The following ANXA8 variants were observed in gnomAD, a reference collection of about 807,000 sequenced individuals.
The protein encoded by ANXA8 is annexin A8.
ANXA8 carries 9 observed loss-of-function variants against 26.8 expected under a neutral mutation model. That is an observed-to-expected ratio of 0.34 (90% CI 0.20 to 0.59). The LOEUF (loss-of-function observed/expected upper bound fraction) is 0.59, where lower values mean the gene tolerates loss of function less well. ANXA8 is among the 20% of genes least tolerant of loss of function. The pLI is 0.84. For synonymous variants in ANXA8, 39 were observed against 94.8 expected, an observed-to-expected ratio of 0.41 and a Z score of 3.42; for missense variants, 83 against 238.5, an observed-to-expected ratio of 0.35 and a Z score of 4.29.
chr10:47,977,700 C>A, the ANXA8 span, among the ~76,000 whole-genome samples: 6 of 151,386 alleles, frequency 4.0e-5, no homozygotes, highest in African/African-American at 1.4e-4. Context: ...ACCAGAGGGG[C>A]TTAACAGCCA....
upstream of ANXA8, among the ~76,000 whole-genome samples, chr10:47,486,862 A>G (rs1296034603): frequency 1.4e-5 from 2 of 145,666 alleles, no homozygotes; most frequent in East Asian, 4.6e-4. Context: ...AGTCCAAGCT[A>G]CTTGGGAGGC....
the ANXA8 span, chr10:47,991,540 C>G: frequency 6.3e-7 from 1 of 1,577,446 alleles, no homozygotes; most frequent in African/African-American, 1.4e-5. Flanking sequence ...CCTTCCCACC[C>G]TCCATGCTTG....
chr10:47,761,219 C>T, the ANXA8 span, among the ~76,000 whole-genome samples: 1 of 149,300 alleles, frequency 6.7e-6, no homozygotes, highest in Admixed American at 6.7e-5. Context: ...ATTGTGTTCT[C>T]TGGACCTGTT....
At chr10:47,503,768 A>G in the ANXA8 span, among the ~76,000 whole-genome samples, 2 of 135,162 alleles carry the variant, frequency 1.5e-5, no homozygotes, top group African/African-American at 5.7e-5. Context: ...TACAAAAAAA[A>G]AAAAAAGAAA....
At chr10:47,691,328 C>T in the ANXA8 span, 1 of 803,766 alleles carries the variant, frequency 1.2e-6, no homozygotes, top group South Asian at 1.8e-5. Context: ...TTTCTTTAGT[C>T]ATTTGCCTCT....
At chr10:47,617,831 C>A in the ANXA8 span, among the ~76,000 whole-genome samples, 1 of 143,312 alleles carries the variant, frequency 7.0e-6, no homozygotes, top group East Asian at 1.9e-4. Flanking sequence ...ACTATTTGAA[C>A]TTTTATCGGC....
At chr10:47,647,161 A>G in the ANXA8 span, among the ~76,000 whole-genome samples, 2 of 152,244 alleles carry the variant, frequency 1.3e-5, no homozygotes, top group Admixed American at 6.5e-5. Context: ...TGCTTCTTGC[A>G]TTAACTGCAA....
chr10:47,584,919 C>T, the ANXA8 span, among the ~76,000 whole-genome samples: 1 of 144,450 alleles, frequency 6.9e-6, no homozygotes, highest in Non-Finnish European at 1.5e-5. Flanking sequence ...GAAACCCCGT[C>T]TCTACTAAAA....
chr10:47,925,657 T>C, the ANXA8 span, among the ~76,000 whole-genome samples: 4 of 90,082 alleles, frequency 4.4e-5, no homozygotes, highest in African/African-American at 9.0e-5. Flanking sequence ...CCCAGCTCGA[T>C]TGAATCCAAA....
the ANXA8 span, among the ~76,000 whole-genome samples, chr10:47,660,172 T>C: frequency 1.4e-5 from 2 of 146,764 alleles, no homozygotes; most frequent in African/African-American, 2.6e-5. Context: ...TAGTTCATTG[T>C]CTGGTTTGTA....
chr10:47,691,123 A>G, the ANXA8 span: 4 of 1,609,404 alleles, frequency 2.5e-6, no homozygotes, highest in Admixed American at 6.7e-5. Flanking sequence ...CTTTAGCAAC[A>G]GTTACAGTAA....
the ANXA8 span, among the ~76,000 whole-genome samples, chr10:47,733,211 T>TTCTCTCTCTCTCTCTCTC: frequency 1.8e-4 from 15 of 82,292 alleles, no homozygotes; most frequent in Admixed American, 3.8e-4. Flanking sequence ...CTTTCTTTCT[T>TTCTCTCTCTCTCTCTCTC]TCTTTCTTTC....
the ANXA8 span, among the ~76,000 whole-genome samples, chr10:47,633,818 C>T: frequency 6.7e-6 from 1 of 150,180 alleles, no homozygotes. Flanking sequence ...CTGACATCCC[C>T]CTAGTATTTC....
At chr10:47,949,346 C>G in the ANXA8 span, among the ~76,000 whole-genome samples, 4 of 149,586 alleles carry the variant, frequency 2.7e-5, no homozygotes, top group East Asian at 6.3e-4. Context: ...TAATCAACCC[C>G]TTATAAGAGA....
At chr10:47,651,062 C>G in the ANXA8 span, among the ~76,000 whole-genome samples, 39,009 of 147,342 alleles carry the variant, frequency 0.26, 3,229 homozygotes, top group Non-Finnish European at 0.36. Context: ...GGGAGATAGG[C>G]GTGGTTTGTG....
chr10:47,686,111 A>C, the ANXA8 span, among the ~76,000 whole-genome samples: 1 of 151,766 alleles, frequency 6.6e-6, no homozygotes, highest in African/African-American at 2.4e-5. Context: ...CTGTAGTCCT[A>C]AGAGCCTACG....
chr10:47,967,972 C>CA, the ANXA8 span, among the ~76,000 whole-genome samples: 102,499 of 143,770 alleles, frequency 0.71, 35,346 homozygotes, highest in Non-Finnish European at 0.79. Context: ...AGCATGGGTG[C>CA]AAAAAAAAAA....
chr10:47,511,235 G>T, the ANXA8 span, among the ~76,000 whole-genome samples: 1 of 141,488 alleles, frequency 7.1e-6, no homozygotes, highest in Non-Finnish European at 1.5e-5. Flanking sequence ...GAGCCACGGC[G>T]CCCAGTCCTT....
chr10:47,645,436 A>T, the ANXA8 span, among the ~76,000 whole-genome samples: 32 of 148,310 alleles, frequency 2.2e-4, no homozygotes, highest in Admixed American at 1.9e-3. Flanking sequence ...CTCACCTCAT[A>T]GTAGTCATAT....
Sources: allele counts gnomAD v4.1 joint callset (sites outside exome capture counted in the v4.1 genomes callset), GRCh38; gene constraint gnomAD v4.1.1; transcripts MANE v1.5; gene names NCBI Gene and HGNC (gene_info 2026-07-23, HGNC 2026-07-21).